MGST2: variants seen among roughly 807,000 people sequenced by gnomAD.
MGST2 encodes the protein microsomal glutathione S-transferase 2, also known as glutathione peroxidase MGST2.
A neutral mutation model predicts 16.6 loss-of-function variants in MGST2; 9 were observed. The observed-to-expected ratio is 0.54, with a 90% confidence interval of 0.33 to 0.95. The LOEUF (loss-of-function observed/expected upper bound fraction) is 0.95. MGST2 is among the 40% of genes least tolerant of loss of function. The probability of loss-of-function intolerance (pLI) is 0.03; values close to 1 mark genes in which losing one functional copy is unlikely to be tolerated. For missense variants in MGST2, 159 were observed against 175.1 expected, an observed-to-expected ratio of 0.91 and a Z score of 0.52; for synonymous variants, 79 against 68.0, an observed-to-expected ratio of 1.16 and a Z score of -0.79.
the MGST2 span, among the ~76,000 whole-genome samples, chr4:139,749,784 G>C: frequency 6.6e-6 from 1 of 152,044 alleles, no homozygotes; most frequent in Non-Finnish European, 1.5e-5. Flanking sequence ...ATAATACAGA[G>C]TTTTGAGCAA....
In MGST2 at chr4:139,720,538, TAA is replaced by T. The variant is rs531662185; in HGVS notation, c.*48+16344_*48+16345del. On this transcript the variant is annotated intron_variant, in intron 5 of 5. Transcript: ENST00000616265. ...TGTTAAAAAATACAGAGACAAAAATTAAAGTCACCTGAAATCCCACTATCCAG... is the reference window on the plus strand; with the variant it reads ...TGTTAAAAAATACAGAGACAAAAATTAGTCACCTGAAATCCCACTATCCAG... 2.9e-3 allele frequency among the ~76,000 whole-genome samples: 449 copies of T among 152,358 alleles called. 1 individual carries two copies. The highest frequency in any genetic ancestry group is 0.01 in the Middle Eastern group (3 of 294).
chr4:139,690,055 G>A (rs879586702), intron 2 of MGST2, among the ~76,000 whole-genome samples: 2 of 152,078 alleles, frequency 1.3e-5, no homozygotes, highest in Non-Finnish European at 2.9e-5. Flanking sequence ...GCAGTGGTGC[G>A]ATCTTGGCTC....
At chr4:139,683,760 T>A (rs1177234003) in intron 2 of MGST2, among the ~76,000 whole-genome samples, 1 of 152,018 alleles carries the variant, frequency 6.6e-6, no homozygotes. Context: ...CTGAGCAATT[T>A]ACAAAACAAA....
At chr4:139,711,786 G>A (rs567451257) in intron 5 of MGST2, among the ~76,000 whole-genome samples, 4 of 152,218 alleles carry the variant, frequency 2.6e-5, no homozygotes, top group Admixed American at 2.0e-4. Context: ...TGGAGTTGCC[G>A]CCTCTGACAT....
At chr4:139,701,839 C>T (rs1296497219) in intron 3 of MGST2, among the ~76,000 whole-genome samples, 1 of 151,958 alleles carries the variant, frequency 6.6e-6, no homozygotes, top group African/African-American at 2.4e-5. Context: ...TGGTGGCATA[C>T]ACCAGTGGTC....
chr4:139,711,486 T>C (rs576611343), intron 5 of MGST2, among the ~76,000 whole-genome samples: 2 of 152,306 alleles, frequency 1.3e-5, no homozygotes, highest in East Asian at 3.9e-4. Flanking sequence ...TATTCATGTC[T>C]CTCCTTTTTA....
intron 1 of MGST2, among the ~76,000 whole-genome samples, chr4:139,678,147 GTTAA>G (rs370663631): frequency 4.1e-4 from 63 of 152,316 alleles, no homozygotes; most frequent in Middle Eastern, 3.4e-3. Context: ...TTTAATGTCT[GTTAA>G]TTAATCTGCC....
At chr4:139,690,372 C>T (rs1453688272) in intron 2 of MGST2, among the ~76,000 whole-genome samples, 1 of 152,128 alleles carries the variant, frequency 6.6e-6, no homozygotes, top group Non-Finnish European at 1.5e-5. Context: ...AAACTCCTGG[C>T]TCAAATGATC....
intron 2 of MGST2, among the ~76,000 whole-genome samples, chr4:139,687,423 C>A (rs926047172): frequency 6.6e-6 from 1 of 152,208 alleles, no homozygotes; most frequent in Non-Finnish European, 1.5e-5. Flanking sequence ...GTAGTTAGAG[C>A]AGAATTCCCT....
Position 139,713,618 on chromosome 4 carries a change from T to A in MGST2, c.*48+9422T>A, listed in dbSNP as rs79989212. ...CTATTGCTTGTTTATCTACTTTTAA[T>A]TAAGCTGACTTCTAACCATAGTGTT... is the stretch of plus-strand genomic sequence containing the variant. On this transcript the variant is annotated intron_variant, in intron 5 of 5. Coordinates refer to the MGST2 transcript ENST00000616265. 8.5e-5 allele frequency among the ~76,000 whole-genome samples: 13 copies of A among 152,342 alleles called. No individual in the cohort carries two copies. The East Asian group carries it at 2.5e-3, about 29-fold the overall frequency.
chr4:139,752,434 G>A, the MGST2 span, among the ~76,000 whole-genome samples: 1 of 152,116 alleles, frequency 6.6e-6, no homozygotes, highest in South Asian at 2.1e-4. Flanking sequence ...ACCCACCCTG[G>A]ACCTAGCCTG....
intron 5 of MGST2, among the ~76,000 whole-genome samples, chr4:139,712,731 A>G (rs900004818): frequency 1.8e-4 from 27 of 152,226 alleles, no homozygotes; most frequent in Non-Finnish European, 8.8e-5. Flanking sequence ...CAGAAACCCT[A>G]TACAGGGACT....
downstream of MGST2, among the ~76,000 whole-genome samples, chr4:139,704,877 G>A (rs376625997): frequency 3.3e-5 from 5 of 151,946 alleles, no homozygotes; most frequent in African/African-American, 7.3e-5. Context: ...AGCCAAGATC[G>A]CGCCACTGCA....
intron 5 of MGST2, among the ~76,000 whole-genome samples, chr4:139,713,495 A>G (rs1021092010): frequency 2.6e-5 from 4 of 151,328 alleles, no homozygotes; most frequent in Non-Finnish European, 5.9e-5. Flanking sequence ...AAAAAAAAAA[A>G]AAGGAGAAAA....
At chr4:139,716,378 C>T (rs1393204987) in intron 5 of MGST2, among the ~76,000 whole-genome samples, 2 of 152,126 alleles carry the variant, frequency 1.3e-5, no homozygotes, top group South Asian at 2.1e-4. Context: ...CAATATATTC[C>T]GATTTTTCTT....
intron 2 of MGST2, among the ~76,000 whole-genome samples, chr4:139,694,990 C>T (rs763790453): frequency 4.6e-5 from 7 of 152,148 alleles, no homozygotes; most frequent in African/African-American, 1.4e-4. Context: ...CAACTTAATA[C>T]GTAAGAGAAT....
chr4:139,719,674 G>T (rs367727388), intron 5 of MGST2: 39 of 1,613,258 alleles, frequency 2.4e-5, no homozygotes, highest in Non-Finnish European at 3.2e-5. Context: ...TGGCAGCTGG[G>T]TTGAGGGTCC....
At chr4:139,724,287 A>G (rs795606) in intron 5 of MGST2, among the ~76,000 whole-genome samples, 53,087 of 152,102 alleles carry the variant, frequency 0.35, 10,663 homozygotes, top group Middle Eastern at 0.51. Context: ...ACTGTAAACT[A>G]CAGCTCACAG....
intron 2 of MGST2, among the ~76,000 whole-genome samples, chr4:139,684,184 C>T (rs1400077388): frequency 6.6e-6 from 1 of 152,164 alleles, no homozygotes; most frequent in East Asian, 1.9e-4. Context: ...CCTTGGCCTC[C>T]CAAAGTGCTG....
Sources: allele counts gnomAD v4.1 joint callset (sites outside exome capture counted in the v4.1 genomes callset), GRCh38; gene constraint gnomAD v4.1.1; transcripts MANE v1.5; gene names NCBI Gene and HGNC (gene_info 2026-07-23, HGNC 2026-07-21).